TMEM132C: variants seen among roughly 807,000 people sequenced by gnomAD.
TMEM132C encodes the protein transmembrane protein 132C.
TMEM132C carries 29 observed loss-of-function variants against 61.4 expected under a neutral mutation model. The ratio of observed to expected loss-of-function variants is 0.47; its 90% CI spans 0.35 to 0.64. TMEM132C has a LOEUF of 0.64. Ranked by LOEUF, TMEM132C falls within the 30% of genes least tolerant of loss-of-function variation. TMEM132C has a pLI of 0.00. For synonymous variants in TMEM132C, 656 were observed against 633.1 expected (o/e 1.04, Z -0.54); for missense variants, 1,408 against 1,476.9 (o/e 0.95, Z 0.76).
chr12:128,286,294 T>C (rs1871070486), intron 1 of TMEM132C, among the ~76,000 whole-genome samples: 1 of 152,190 alleles, frequency 6.6e-6, no homozygotes, highest in East Asian at 1.9e-4. Context: ...CCTTGCTTGG[T>C]GGAATGTGCC....
At chr12:128,618,578 G>A (rs1485212703) in intron 4 of TMEM132C, among the ~76,000 whole-genome samples, 1 of 152,166 alleles carries the variant, frequency 6.6e-6, no homozygotes, top group Admixed American at 6.5e-5. Context: ...TTGTGGGAGG[G>A]ACTCGATGGG....
At chr12:128,314,006 A>C (rs1173867858) in intron 1 of TMEM132C, among the ~76,000 whole-genome samples, 1 of 152,184 alleles carries the variant, frequency 6.6e-6, no homozygotes, top group East Asian at 1.9e-4. Flanking sequence ...AGTTGATTAA[A>C]TCCATCACTC....
At chr12:128,644,087 A>G (rs1420218815) in intron 4 of TMEM132C, among the ~76,000 whole-genome samples, 1 of 152,204 alleles carries the variant, frequency 6.6e-6, no homozygotes, top group Non-Finnish European at 1.5e-5. Flanking sequence ...TAAGATGGAA[A>G]CAGTGGCCAA....
chr12:128,332,191 G>A (rs1008586289), intron 1 of TMEM132C, among the ~76,000 whole-genome samples: 11 of 152,238 alleles, frequency 7.2e-5, no homozygotes, highest in African/African-American at 1.2e-4. Flanking sequence ...AGGGCTTTTC[G>A]GGGAGATGAT....
At chr12:128,541,027 G>GTCTCTCTCTC (rs71449354) in intron 2 of TMEM132C, among the ~76,000 whole-genome samples, 45,685 of 149,292 alleles carry the variant, frequency 0.31, 8,347 homozygotes, top group Non-Finnish European at 0.41. Flanking sequence ...CTCTTTCTCT[G>GTCTCTCTCTC]TCTCTCTCTC....
intron 5 of TMEM132C, among the ~76,000 whole-genome samples, chr12:128,676,714 G>A (rs1436830314): frequency 6.6e-6 from 1 of 152,206 alleles, no homozygotes; most frequent in Non-Finnish European, 1.5e-5. Context: ...CAACACACAT[G>A]TATAAGGGCT....
chr12:128,539,716 T>G (rs1200315960), intron 2 of TMEM132C, among the ~76,000 whole-genome samples: 4 of 152,192 alleles, frequency 2.6e-5, no homozygotes, highest in Admixed American at 6.5e-5. Context: ...ATTCAAGACA[T>G]TTTTTATTGT....
At chr12:128,526,272 C>T (rs1212689909) in intron 2 of TMEM132C, among the ~76,000 whole-genome samples, 4 of 152,194 alleles carry the variant, frequency 2.6e-5, no homozygotes, top group Non-Finnish European at 5.9e-5. Context: ...AATTTAATTT[C>T]TCAGAGTTCT....
At chr12:128,401,025 G>A (rs1447305420) in intron 1 of TMEM132C, among the ~76,000 whole-genome samples, 1 of 152,162 alleles carries the variant, frequency 6.6e-6, no homozygotes, top group Non-Finnish European at 1.5e-5. Context: ...ACTGAACCAG[G>A]TAATGGGAAT....
chr12:128,432,096 GA>G (rs1228090672), intron 2 of TMEM132C, among the ~76,000 whole-genome samples: 3 of 152,192 alleles, frequency 2.0e-5, no homozygotes, highest in Non-Finnish European at 2.9e-5. Flanking sequence ...CCAGCGCTCA[GA>G]AAAACTATTC....
intron 2 of TMEM132C, among the ~76,000 whole-genome samples, chr12:128,441,954 A>G (rs1325020086): frequency 6.6e-6 from 1 of 152,202 alleles, no homozygotes; most frequent in Non-Finnish European, 1.5e-5. Flanking sequence ...CTGAGCCGGG[A>G]TCGCACCATG....
At chr12:128,599,666 G>A (rs906586255) in intron 3 of TMEM132C, among the ~76,000 whole-genome samples, 3 of 152,184 alleles carry the variant, frequency 2.0e-5, no homozygotes, top group African/African-American at 4.8e-5. Context: ...AGAAAAGGAA[G>A]GTTTTTTAAA....
chr12:128,324,846 ATGT>A (rs1278247620), intron 1 of TMEM132C, among the ~76,000 whole-genome samples: 2 of 152,216 alleles, frequency 1.3e-5, no homozygotes, highest in Non-Finnish European at 2.9e-5. Context: ...TTTAAAAAAA[ATGT>A]TGTGAGCATT....
intron 5 of TMEM132C, among the ~76,000 whole-genome samples, chr12:128,685,189 G>C (rs1445907227): frequency 6.6e-6 from 1 of 152,148 alleles, no homozygotes; most frequent in Non-Finnish European, 1.5e-5. Context: ...AAGATAAAAA[G>C]GTGAATGGGA....
chr12:128,483,396 A>G (rs2136093209), intron 2 of TMEM132C, among the ~76,000 whole-genome samples: 1 of 126,424 alleles, frequency 7.9e-6, no homozygotes, highest in East Asian at 2.6e-4. Flanking sequence ...CCCCTGGGTA[A>G]TCATTTGTGA....
At chr12:128,580,159 A>T (rs1392471290) in intron 3 of TMEM132C, among the ~76,000 whole-genome samples, 1 of 152,196 alleles carries the variant, frequency 6.6e-6, no homozygotes, top group Non-Finnish European at 1.5e-5. Flanking sequence ...TGTTGGAAGG[A>T]TTAAAAAACA....
rs115802121 is a variant in TMEM132C at position 128,651,019 on chromosome 12, G to A, written c.1306-18398G>A. 3.7e-3 allele frequency among the ~76,000 whole-genome samples: 565 copies of A among 152,240 alleles called. 3 individuals carry two copies. Among genetic ancestry groups the A allele is most frequent in the African/African-American group, 0.013 (533 of 41,526 alleles). ...GGTATAAATCTCCACCCCTCAGATGGGGACTGCAGATTCAAACCATGACTT... is the reference window on the plus strand; with the variant it reads ...GGTATAAATCTCCACCCCTCAGATGAGGACTGCAGATTCAAACCATGACTT... On this transcript the variant is annotated intron_variant, in intron 4 of 8. Coordinates refer to ENST00000435159, the MANE Select transcript of TMEM132C (RefSeq NM_001136103.3).
intron 1 of TMEM132C, among the ~76,000 whole-genome samples, chr12:128,347,234 A>G (rs1873186563): frequency 6.6e-6 from 1 of 152,104 alleles, no homozygotes; most frequent in African/African-American, 2.4e-5. Context: ...ACTCCATCCA[A>G]GTTGCTGCAA....
intron 2 of TMEM132C, among the ~76,000 whole-genome samples, chr12:128,454,960 T>C (rs1306558064): frequency 1.3e-5 from 2 of 152,126 alleles, no homozygotes; most frequent in African/African-American, 4.8e-5. Context: ...GCAGGTGGGG[T>C]TGACTTGCCT....
Sources: allele counts gnomAD v4.1 joint callset (sites outside exome capture counted in the v4.1 genomes callset), GRCh38; gene constraint gnomAD v4.1.1; transcripts MANE v1.5; gene names NCBI Gene and HGNC (gene_info 2026-07-23, HGNC 2026-07-21).